Variants in KLF12 observed in about 807,000 individuals in gnomAD.
KLF12 encodes KLF transcription factor 12, also known as Krueppel-like factor 12.
A neutral mutation model predicts 37.8 loss-of-function variants in KLF12; 9 were observed. The observed-to-expected ratio is 0.24, with a 90% CI of 0.14 to 0.42. The LOEUF (loss-of-function observed/expected upper bound fraction) is 0.42, where lower values mean the gene tolerates loss of function less well. KLF12 is among the 10% of genes least tolerant of loss of function. The pLI is 1.00. For missense variants in KLF12, 411 were observed against 516.0 expected (o/e 0.80, Z 1.97); for synonymous variants, 208 against 202.1 (o/e 1.03, Z -0.25).
At chr13:74,299,650 A>AT in the KLF12 span, among the ~76,000 whole-genome samples, 3 of 152,162 alleles carry the variant, frequency 2.0e-5, no homozygotes, top group Non-Finnish European at 4.4e-5. Flanking sequence ...AATAAGACAT[A>AT]TTTTTTGAAG....
chr13:74,092,585 C>T (rs574965371), intron 1 of KLF12, among the ~76,000 whole-genome samples: 1 of 151,904 alleles, frequency 6.6e-6, no homozygotes, highest in East Asian at 1.9e-4. Context: ...GATTGCGCCA[C>T]TGCACCCCAG....
At chr13:73,733,518 A>G (rs1297689535) in intron 6 of KLF12, among the ~76,000 whole-genome samples, 2 of 152,094 alleles carry the variant, frequency 1.3e-5, no homozygotes, top group African/African-American at 4.8e-5. Context: ...ACACACACAC[A>G]CGCACGATCA....
chr13:73,891,054 A>T (rs1288233732), intron 3 of KLF12, among the ~76,000 whole-genome samples: 3 of 151,912 alleles, frequency 2.0e-5, no homozygotes, highest in South Asian at 4.1e-4. Context: ...GTTGAAGATT[A>T]AAAAAAATAC....
intron 1 of KLF12, among the ~76,000 whole-genome samples, chr13:74,048,328 C>T (rs1044510369): frequency 3.9e-5 from 6 of 152,070 alleles, no homozygotes; most frequent in East Asian, 1.9e-4. Flanking sequence ...ATAGACTGGG[C>T]GACACTCAGC....
intron 3 of KLF12, among the ~76,000 whole-genome samples, chr13:73,880,881 T>G (rs776854016): frequency 3.9e-5 from 6 of 152,240 alleles, no homozygotes; most frequent in African/African-American, 7.2e-5. Context: ...TCAAAACTTT[T>G]GCTTTTAAAA....
At chr13:74,220,118 ATTGTT>A in the KLF12 span, among the ~76,000 whole-genome samples, 3 of 151,864 alleles carry the variant, frequency 2.0e-5, no homozygotes, top group Non-Finnish European at 2.9e-5. Flanking sequence ...CTTTTTGTGC[ATTGTT>A]TTGGTAATCT....
chr13:74,024,645 T>G (rs1326849419), intron 1 of KLF12, among the ~76,000 whole-genome samples: 1 of 152,166 alleles, frequency 6.6e-6, no homozygotes, highest in Non-Finnish European at 1.5e-5. Context: ...GCTTCAAGTA[T>G]CCTATAAAAT....
At chr13:74,026,599 AG>A (rs754082787) in intron 1 of KLF12, among the ~76,000 whole-genome samples, 49 of 152,336 alleles carry the variant, frequency 3.2e-4, no homozygotes, top group Non-Finnish European at 2.8e-4. Context: ...TGTTTTAAAA[AG>A]GGTTAAAATA....
At chr13:74,109,956 T>C (rs905794509) in intron 1 of KLF12, among the ~76,000 whole-genome samples, 7 of 152,156 alleles carry the variant, frequency 4.6e-5, no homozygotes, top group South Asian at 2.1e-4. Flanking sequence ...GTGAGAATCA[T>C]AGCTAAGACT....
At chr13:73,713,327 A>C (rs1172007202) in intron 7 of KLF12, among the ~76,000 whole-genome samples, 1 of 152,194 alleles carries the variant, frequency 6.6e-6, no homozygotes, top group East Asian at 1.9e-4. Flanking sequence ...TTGCAGAAGA[A>C]TATGCGGCCA....
intron 1 of KLF12, among the ~76,000 whole-genome samples, chr13:74,007,252 ACAGAAATCAGAAAAAG>A: frequency 5.2e-5 from 1 of 19,380 alleles, no homozygotes; most frequent in African/African-American, 8.8e-5. Flanking sequence ...TCAGAAAAAG[ACAGAAATCAGAAAAAG>A]ACAAGGATAT....
intron 5 of KLF12, among the ~76,000 whole-genome samples, chr13:73,768,520 G>A (rs1055507235): frequency 6.7e-6 from 1 of 150,210 alleles, no homozygotes; most frequent in Non-Finnish European, 1.5e-5. Flanking sequence ...CAAAAACTAT[G>A]GCTTATAAGG....
rs115719301 is a variant in KLF12, at chr13:73,909,733, A to C, written c.123+34248T>G. Among the ~76,000 whole-genome samples, 1,345 of 152,260 alleles carry C rather than the reference A, an allele frequency of 8.8e-3. 16 individuals carry two copies. The highest frequency in any genetic ancestry group is 0.03 in the African/African-American group (1,261 of 41,538). ...CCCAACAAACTTACGTTTGTTTAAA[A>C]ACAAAATTTTTATAGGCGCATTTAA... On this transcript the variant is annotated intron_variant, in intron 3 of 7. Coordinates refer to ENST00000377669, the MANE Select transcript of KLF12 (RefSeq NM_007249.5).
chr13:73,829,101 T>C (rs1884010274), intron 4 of KLF12, among the ~76,000 whole-genome samples: 1 of 152,316 alleles, frequency 6.6e-6, no homozygotes, highest in Non-Finnish European at 1.5e-5. Flanking sequence ...TGTCTCACTG[T>C]GGCTTTTTTG....
chr13:74,127,277 A>T (rs1484120389), intron 1 of KLF12, among the ~76,000 whole-genome samples: 1 of 152,266 alleles, frequency 6.6e-6, no homozygotes, highest in African/African-American at 2.4e-5. Context: ...AGAAGACATA[A>T]AAAATTTTTT....
At chr13:73,864,162 G>A (rs145066912) in intron 3 of KLF12, among the ~76,000 whole-genome samples, 1 of 152,078 alleles carries the variant, frequency 6.6e-6, no homozygotes, top group East Asian at 1.9e-4. Context: ...GTAGTAAATG[G>A]AATTCTAAAT....
intron 1 of KLF12, among the ~76,000 whole-genome samples, chr13:74,004,910 C>T (rs17218656): frequency 0.071 from 10,751 of 151,618 alleles, 508 homozygotes; most frequent in Non-Finnish European, 0.1. Flanking sequence ...CCTTTCCTCA[C>T]CAATGATATC....
intron 3 of KLF12, among the ~76,000 whole-genome samples, chr13:73,889,039 T>G (rs1887369235): frequency 6.6e-6 from 1 of 152,228 alleles, no homozygotes; most frequent in Non-Finnish European, 1.5e-5. Context: ...AGATCCAGAC[T>G]GATTTATGTA....
chr13:73,748,838 T>C (rs752750025), intron 6 of KLF12, among the ~76,000 whole-genome samples: 1 of 152,256 alleles, frequency 6.6e-6, no homozygotes, highest in Non-Finnish European at 1.5e-5. Context: ...AATTTGAATC[T>C]GCATCCTTTG....
Sources: allele counts gnomAD v4.1 joint callset (sites outside exome capture counted in the v4.1 genomes callset), GRCh38; gene constraint gnomAD v4.1.1; transcripts MANE v1.5; gene names NCBI Gene and HGNC (gene_info 2026-07-23, HGNC 2026-07-21).